The following PPP1R12B variants were observed in gnomAD, a reference collection of about 807,000 sequenced individuals.
PPP1R12B encodes the protein myosin phosphatase target subunit 2.
A neutral mutation model predicts 126.1 loss-of-function variants in PPP1R12B; 76 were observed. The ratio of observed to expected loss-of-function variants is 0.60; its 90% CI spans 0.50 to 0.73. PPP1R12B has a LOEUF of 0.73. Among genes scored for constraint, PPP1R12B ranks in the 30% least tolerant of loss-of-function variants. The pLI, the probability that PPP1R12B is intolerant of heterozygous loss-of-function variation, is 0.00. For missense variants in PPP1R12B, 1,052 were observed against 1,205.1 expected, an observed-to-expected ratio of 0.87 and a Z score of 1.88; for synonymous variants, 356 against 434.7, an observed-to-expected ratio of 0.82 and a Z score of 2.25.
At chr1:202,521,800 A>G (rs1368755902) in intron 18 of PPP1R12B, among the ~76,000 whole-genome samples, 1 of 152,220 alleles carries the variant, frequency 6.6e-6, no homozygotes, top group Non-Finnish European at 1.5e-5. Context: ...AATAATAACA[A>G]TAACTGCAGC....
chr1:202,487,685 T>C (rs933469123), intron 13 of PPP1R12B, among the ~76,000 whole-genome samples: 3 of 152,184 alleles, frequency 2.0e-5, no homozygotes, highest in African/African-American at 7.2e-5. Context: ...CTCAGCTTAC[T>C]GCAACCTCGG....
chr1:202,524,052 TG>T (rs545384638), intron 18 of PPP1R12B, among the ~76,000 whole-genome samples: 6 of 152,194 alleles, frequency 3.9e-5, no homozygotes, highest in Non-Finnish European at 8.8e-5. Context: ...CAAGCTACTC[TG>T]TTGAGATTAG....
rs758556088 is a variant in PPP1R12B, at chr1:202,440,787, A to G, written c.1540A>G (p.Arg514Gly). Residue 514 changes from arginine to glycine, a missense_variant and splice_region_variant, in exon 11 of 24, where the codon AGA becomes GGA. By Grantham distance (125) the Arg-to-Gly change is moderately radical. Coordinates refer to ENST00000608999, the MANE Select transcript of PPP1R12B (RefSeq NM_002481.4). ...AAGTGATATTGAAGAAAAGGAGAAC[A>G]GGTAATCCTAAAACCAGCCAAAAGA... ...STSDIEEKEN[R>G]ESAVNLVRSG... The G allele has an allele frequency of 1.9e-6, 3 of 1,612,572 alleles. No individual in the cohort carries two copies. The highest frequency in any genetic ancestry group is 2.5e-6 in the Non-Finnish European group (3 of 1,178,744).
intron 18 of PPP1R12B, among the ~76,000 whole-genome samples, chr1:202,517,748 C>T (rs1190024217): frequency 6.6e-6 from 1 of 151,992 alleles, no homozygotes; most frequent in African/African-American, 2.4e-5. Flanking sequence ...GCCTCAGCCT[C>T]TCAAGTAGCT....
At chr1:202,470,669 C>T (rs181214703) in intron 13 of PPP1R12B, among the ~76,000 whole-genome samples, 3 of 152,014 alleles carry the variant, frequency 2.0e-5, no homozygotes, top group East Asian at 1.9e-4. Context: ...AGAGGTGGGA[C>T]GATCACTTGC....
chr1:202,352,707 C>T (rs1656247692), intron 1 of PPP1R12B, among the ~76,000 whole-genome samples: 3 of 151,910 alleles, frequency 2.0e-5, no homozygotes, highest in Admixed American at 6.6e-5. Context: ...GTCAACATTG[C>T]AAAATCCCGT....
intron 1 of PPP1R12B, among the ~76,000 whole-genome samples, chr1:202,395,365 A>G (rs1402857840): frequency 6.6e-6 from 1 of 152,150 alleles, no homozygotes; most frequent in East Asian, 1.9e-4. Flanking sequence ...CTGTCTTATA[A>G]AAATAAAATA....
At position 202,442,557 on chromosome 1, in the gene PPP1R12B, C is replaced by G. The variant is rs1671767500; in HGVS notation, c.1652C>G (p.Ser551Ter). ...ACAATTGCTCCCTCCACCTATGTATCAACTTACTTGAAAAGGTACCAGGCT... is the reference window on the plus strand; with the variant it reads ...ACAATTGCTCCCTCCACCTATGTATGAACTTACTTGAAAAGGTACCAGGCT... ...PQTIAPSTYV[S>*]TYLKRTPHKS... Residue 551 changes from serine to a stop codon, truncating the protein, a stop_gained, in exon 12 of 24, where the codon TCA becomes TGA. Coordinates refer to ENST00000608999, the MANE Select transcript of PPP1R12B (RefSeq NM_002481.4). LOFTEE classifies it high-confidence loss of function. The G allele has an allele frequency of 1.9e-6, 3 of 1,612,136 alleles. No homozygotes were observed. The highest frequency in any genetic ancestry group is 2.5e-6 in the Non-Finnish European group (3 of 1,179,258).
intron 11 of PPP1R12B, 50 bp downstream of exon 11, chr1:202,440,838 G>T (rs1157142829): frequency 2.1e-6 from 3 of 1,457,750 alleles, no homozygotes; most frequent in African/African-American, 2.8e-5. Context: ...TAGGTCTACT[G>T]GACATAGTCA....
chr1:202,493,025 T>C, intron 14 of PPP1R12B, 89 bp from the exon 15 acceptor site: 1 of 1,385,840 alleles, frequency 7.2e-7, no homozygotes, highest in Non-Finnish European at 1.0e-6. Flanking sequence ...ATTTGATAAC[T>C]ATTAGGTCTT....
At chr1:202,439,115 G>T in intron 10 of PPP1R12B, 1 of 1,562,690 alleles carries the variant, frequency 6.4e-7, no homozygotes, top group South Asian at 1.1e-5. Flanking sequence ...CATGACGTTC[G>T]AGGAGGAGGA....
intron 18 of PPP1R12B, among the ~76,000 whole-genome samples, chr1:202,498,619 TG>T (rs779601449): frequency 6.6e-6 from 1 of 152,246 alleles, no homozygotes; most frequent in Non-Finnish European, 1.5e-5. Context: ...ATTATCTATA[TG>T]GGCCTACAGA....
intron 1 of PPP1R12B, among the ~76,000 whole-genome samples, chr1:202,393,597 A>C (rs1242668529): frequency 6.6e-6 from 1 of 152,172 alleles, no homozygotes; most frequent in Non-Finnish European, 1.5e-5. Context: ...TTTGGCTCCT[A>C]AGTTTTATTT....
At chr1:202,536,421 A>G (rs1684535719) in intron 18 of PPP1R12B, among the ~76,000 whole-genome samples, 1 of 152,192 alleles carries the variant, frequency 6.6e-6, no homozygotes, top group Admixed American at 6.5e-5. Flanking sequence ...TGGGTAAAAG[A>G]TTAGATTAAA....
rs1273663105 is a variant in PPP1R12B, at chr1:202,380,000, T to C, written c.291+30858T>C. 2.6e-5 allele frequency among the ~76,000 whole-genome samples: 4 copies of C among 152,186 alleles called. 1 individual carries two copies. Among genetic ancestry groups the C allele is most frequent in the Admixed American group, 2.6e-4 (4 of 15,276 alleles). On this transcript the variant is annotated intron_variant, in intron 1 of 23. Transcript: ENST00000608999. Reference sequence around the variant, plus strand: ...CATTCACATGCAGAGTAAAAACGCATATAAAATGCTTTCAACCTGTCTTAC... The same window carrying C: ...CATTCACATGCAGAGTAAAAACGCACATAAAATGCTTTCAACCTGTCTTAC...
chr1:202,434,005 A>G (rs1467238691), intron 8 of PPP1R12B, among the ~76,000 whole-genome samples: 1 of 152,232 alleles, frequency 6.6e-6, no homozygotes, highest in African/African-American at 2.4e-5. Context: ...AATAAACTAC[A>G]TGTCACATGA....
In PPP1R12B at chr1:202,359,701, T is replaced by C. The variant is rs368745891; in HGVS notation, c.291+10559T>C. On this transcript the variant is annotated intron_variant, in intron 1 of 23. Transcript: ENST00000608999. ...GGTGGGGGGTGGGGGTGGGGGGCGG[T>C]GCTAAGGCAGGAGAATCACTTGAAT... is the stretch of plus-strand genomic sequence containing the variant. 4.2e-5 allele frequency among the ~76,000 whole-genome samples: 6 copies of C among 141,704 alleles called. No individual in the cohort carries two copies. The East Asian group carries it at 9.1e-4, about 21-fold the overall frequency. The allele number at this position is 141,704 out of a possible 152,430, so 93.0% of individuals were successfully genotyped here.
At chr1:202,418,784 C>A (rs1326849614) in intron 2 of PPP1R12B, among the ~76,000 whole-genome samples, 1 of 151,822 alleles carries the variant, frequency 6.6e-6, no homozygotes, top group Non-Finnish European at 1.5e-5. Context: ...TATTTATTTG[C>A]AGTATGTAGC....
At chr1:202,485,483 A>G (rs553315129) in intron 13 of PPP1R12B, among the ~76,000 whole-genome samples, 1 of 152,112 alleles carries the variant, frequency 6.6e-6, no homozygotes, top group Non-Finnish European at 1.5e-5. Context: ...TCTACTCTCC[A>G]AACTGGATTC....
Sources: allele counts gnomAD v4.1 joint callset (sites outside exome capture counted in the v4.1 genomes callset), GRCh38; gene constraint gnomAD v4.1.1; transcripts MANE v1.5; gene names NCBI Gene and HGNC (gene_info 2026-07-23, HGNC 2026-07-21).